Variants in BTRC observed in about 807,000 individuals in gnomAD.
The protein encoded by BTRC is F-box/WD repeat-containing protein 1A.
BTRC carries 42 observed loss-of-function variants against 85.5 expected under a neutral mutation model. That is an observed-to-expected ratio of 0.49 (90% CI 0.38 to 0.64). The LOEUF is 0.64. Ranked by LOEUF, BTRC falls within the 30% of genes least tolerant of loss-of-function variation. The pLI is 0.00. For synonymous variants in BTRC, 255 were observed against 263.3 expected, an observed-to-expected ratio of 0.97 and a Z score of 0.30; for missense variants, 594 against 743.5, an observed-to-expected ratio of 0.80 and a Z score of 2.34.
intron 1 of BTRC, among the ~76,000 whole-genome samples, chr10:101,398,923 C>T (rs1169131962): frequency 6.6e-6 from 1 of 152,096 alleles, no homozygotes; most frequent in Non-Finnish European, 1.5e-5. Flanking sequence ...CGAAATCTGG[C>T]CTTTCATGTA....
At chr10:101,381,861 A>G (rs933998100) in intron 1 of BTRC, among the ~76,000 whole-genome samples, 2 of 151,538 alleles carry the variant, frequency 1.3e-5, no homozygotes, top group Admixed American at 1.3e-4. Context: ...TCCTAACCTC[A>G]ATACAAGATC....
intron 1 of BTRC, among the ~76,000 whole-genome samples, chr10:101,392,039 C>A (rs1429685833): frequency 6.6e-6 from 1 of 151,920 alleles, no homozygotes; most frequent in Non-Finnish European, 1.5e-5. Context: ...GAGTGCAGTG[C>A]CGCTATCTCA....
At chr10:101,504,482 A>G (rs1008678044) in intron 4 of BTRC, among the ~76,000 whole-genome samples, 7 of 150,274 alleles carry the variant, frequency 4.7e-5, no homozygotes, top group African/African-American at 1.5e-4. Context: ...CCCCATCCCT[A>G]TCTTTCCCCT....
chr10:101,407,382 A>G (rs1943655244), intron 1 of BTRC, among the ~76,000 whole-genome samples: 1 of 152,136 alleles, frequency 6.6e-6, no homozygotes, highest in Admixed American at 6.5e-5. Flanking sequence ...AATTTTCATA[A>G]TGTATTTTAT....
At chr10:101,489,112 A>G (rs1946064204) in intron 4 of BTRC, among the ~76,000 whole-genome samples, 1 of 152,188 alleles carries the variant, frequency 6.6e-6, no homozygotes, top group Admixed American at 6.6e-5. Flanking sequence ...CTGTTAGAAC[A>G]GAAATCTGAT....
At chr10:101,473,135 CT>C (rs35827933) in intron 3 of BTRC, among the ~76,000 whole-genome samples, 19 of 147,506 alleles carry the variant, frequency 1.3e-4, no homozygotes, top group Admixed American at 1.0e-3. Flanking sequence ...TAAGACCGAT[CT>C]TTTTTTTTTC....
intron 4 of BTRC, among the ~76,000 whole-genome samples, chr10:101,513,222 A>T (rs1345236559): frequency 6.6e-6 from 1 of 152,220 alleles, no homozygotes; most frequent in Non-Finnish European, 1.5e-5. Flanking sequence ...ATAATACCTT[A>T]GTTACAAATA....
intron 1 of BTRC, among the ~76,000 whole-genome samples, chr10:101,408,672 C>A (rs1589432417): frequency 2.0e-5 from 3 of 152,216 alleles, no homozygotes; most frequent in Admixed American, 2.0e-4. Context: ...TTTAAGTATT[C>A]CATTTTATGC....
chr10:101,532,795 T>TGC (rs1480649501), intron 8 of BTRC, among the ~76,000 whole-genome samples, 157 bp from the exon 9 acceptor site: 1 of 60,796 alleles, frequency 1.6e-5, no homozygotes, highest in Non-Finnish European at 2.8e-5. Flanking sequence ...TGTGTGCGCG[T>TGC]GTGCGCGCGC....
At chr10:101,508,644 G>C (rs2134318804) in intron 4 of BTRC, among the ~76,000 whole-genome samples, 1 of 152,298 alleles carries the variant, frequency 6.6e-6, no homozygotes, top group East Asian at 1.9e-4. Flanking sequence ...GCTGGGCGTG[G>C]TGGCTCACGC....
rs573831774 is a variant in BTRC at position 101,367,110 on chromosome 10, G to A, written c.48+12882G>A. On this transcript the variant is annotated intron_variant, in intron 1 of 14. Transcript: ENST00000370187. ...TTTCGAGCTAGAGTCTCGCTCTGTC[G>A]CCCAGGCTGGAGTGCAGTGGCGCGA... 8.6e-4 allele frequency among the ~76,000 whole-genome samples: 107 copies of A among 124,098 alleles called. 1 individual carries two copies. The highest frequency in any genetic ancestry group is 3.1e-3 in the African/African-American group (100 of 32,216). The allele number at this position is 124,098 out of a possible 152,430, so 81.4% of individuals were successfully genotyped here. A position where few individuals can be genotyped will look rare whatever the true frequency, so the allele number is the denominator to read the frequency against.
intron 1 of BTRC, among the ~76,000 whole-genome samples, chr10:101,406,846 T>C (rs760949504): frequency 3.9e-5 from 6 of 152,198 alleles, no homozygotes; most frequent in Non-Finnish European, 8.8e-5. Flanking sequence ...AGCTTTCTTA[T>C]GACTGTTTTT....
intron 1 of BTRC, among the ~76,000 whole-genome samples, chr10:101,375,362 G>A (rs1417266342): frequency 6.6e-6 from 1 of 151,982 alleles, no homozygotes; most frequent in African/African-American, 2.4e-5. Context: ...AGTTTCCTGA[G>A]GCCTCCCCAG....
chr10:101,541,107 T>TC (rs1209153712), intron 13 of BTRC, among the ~76,000 whole-genome samples: 1 of 152,004 alleles, frequency 6.6e-6, no homozygotes, highest in Non-Finnish European at 1.5e-5. Flanking sequence ...TTTTTTTTTT[T>TC]CTTAATTGCA....
intron 1 of BTRC, among the ~76,000 whole-genome samples, chr10:101,425,079 G>A (rs928662187): frequency 3.3e-5 from 5 of 152,024 alleles, no homozygotes; most frequent in Admixed American, 6.6e-5. Flanking sequence ...GCATTAGTTC[G>A]CTTAGGATAA....
chr10:101,445,844 T>C (rs1160235780), intron 2 of BTRC, among the ~76,000 whole-genome samples: 3 of 152,254 alleles, frequency 2.0e-5, no homozygotes, highest in Non-Finnish European at 2.9e-5. Flanking sequence ...GTTTGAATTA[T>C]CTGCTTTTAT....
At chr10:101,478,863 C>G (rs1315904684) in intron 3 of BTRC, among the ~76,000 whole-genome samples, 1 of 150,230 alleles carries the variant, frequency 6.7e-6, no homozygotes. Flanking sequence ...CGCTTGAACC[C>G]CGGAGGCGGA....
intron 9 of BTRC, 74 bp from the exon 10 acceptor site, chr10:101,534,583 TGGAA>T (rs1478349182): frequency 1.3e-6 from 2 of 1,558,592 alleles, no homozygotes; most frequent in African/African-American, 2.7e-5. Context: ...ATATAAGGGG[TGGAA>T]GGGCGCATGA....
intron 4 of BTRC, among the ~76,000 whole-genome samples, chr10:101,507,470 C>T (rs1030507517): frequency 2.0e-5 from 3 of 152,132 alleles, no homozygotes; most frequent in Non-Finnish European, 4.4e-5. Context: ...GATCCTCACT[C>T]GGTAATTAAC....
Sources: allele counts gnomAD v4.1 joint callset (sites outside exome capture counted in the v4.1 genomes callset), GRCh38; gene constraint gnomAD v4.1.1; transcripts MANE v1.5; gene names NCBI Gene and HGNC (gene_info 2026-07-23, HGNC 2026-07-21).